Variants in ZNF682 observed in about 807,000 individuals in gnomAD.
The protein encoded by ZNF682 is zinc finger protein 682.
Under a neutral mutation model 36.5 loss-of-function variants are expected in ZNF682, and 29 were observed. That is an observed-to-expected ratio of 0.80 (90% confidence interval 0.59 to 1.08). ZNF682 has a LOEUF of 1.08. Among genes scored for constraint, ZNF682 ranks in the 50% least tolerant of loss-of-function variants. ZNF682 has a pLI of 0.00. For synonymous variants in ZNF682, 180 were observed against 197.0 expected (o/e 0.91, Z 0.72); for missense variants, 561 against 579.7 (o/e 0.97, Z 0.33).
intron 2 of ZNF682, among the ~76,000 whole-genome samples, chr19:20,023,577 C>T (rs2088406282): frequency 2.6e-5 from 4 of 152,000 alleles, no homozygotes; most frequent in South Asian, 4.2e-4. Context: ...ATTTGTGGGT[C>T]TTTAGCTTCC....
At chr19:20,036,059 T>A (rs2088526357) in intron 1 of ZNF682, among the ~76,000 whole-genome samples, 1 of 152,156 alleles carries the variant, frequency 6.6e-6, no homozygotes, top group Admixed American at 6.6e-5. Context: ...TTAATTTAAA[T>A]GGATGCAGTT....
At chr19:20,009,140 G>A (rs919229487) in intron 3 of ZNF682, among the ~76,000 whole-genome samples, 1 of 152,162 alleles carries the variant, frequency 6.6e-6, no homozygotes, top group African/African-American at 2.4e-5. Flanking sequence ...AGAGTGTTTC[G>A]TTACCTCAAA....
rs1196478015 is a variant in ZNF682 at position 20,024,312 on chromosome 19, G to C, written c.68C>G (p.Pro23Arg). Residue 23 changes from proline (P) to arginine (R), a missense_variant, in exon 2 of 4, where the codon CCT (proline) becomes CGT (arginine). Pro to Arg is a moderately radical substitution (Grantham distance 103). Coordinates refer to ENST00000397165, the MANE Select transcript of ZNF682 (RefSeq NM_033196.3). ...FSLEEWEFLN[P>R]AQQSLYRKVM... ...TTTCCTATACAAACTCTGCTGAGCA[G>C]GGTTCAGAAACTCCCACTCCTCCAG... 7.4e-6 allele frequency: 12 copies of C among 1,613,916 alleles called. No individual in the cohort carries two copies. The highest frequency in any genetic ancestry group is 9.3e-6 in the Non-Finnish European group (11 of 1,179,956).
At chr19:20,035,608 A>G (rs1455372906) in intron 1 of ZNF682, among the ~76,000 whole-genome samples, 1 of 152,226 alleles carries the variant, frequency 6.6e-6, no homozygotes, top group Non-Finnish European at 1.5e-5. Context: ...TTAGAAAATT[A>G]TCTGTAATAT....
intron 1 of ZNF682, among the ~76,000 whole-genome samples, chr19:20,025,676 C>CA (rs1425276116): frequency 1.9e-5 from 2 of 104,598 alleles, no homozygotes; most frequent in African/African-American, 7.4e-5. Context: ...GACTCCATCT[C>CA]AAAAAAAAAG....
chr19:20,005,924 T>C lies in ZNF682; in HGVS notation c.*81A>G. 1 of 1,326,772 alleles carries C rather than the reference T, an allele frequency of 7.5e-7. No individual in the cohort carries two copies. The highest frequency in any genetic ancestry group is 1.0e-6 in the Non-Finnish European group (1 of 964,332). The allele number at this position is 1,326,772 out of a possible 1,614,324, so 82.2% of individuals were successfully genotyped here. ...TGTTTCTCTCCAGTATGAATTATCTTGTGATTTCAATGCCTTGAGCAAGAT... is the reference window on the plus strand; with the variant it reads ...TGTTTCTCTCCAGTATGAATTATCTCGTGATTTCAATGCCTTGAGCAAGAT... On this transcript the variant is annotated 3_prime_UTR_variant, in exon 4 of 4. Coordinates refer to ENST00000397165, the MANE Select transcript of ZNF682 (RefSeq NM_033196.3).
At chr19:20,034,504 C>T (rs1453278796) in intron 1 of ZNF682, among the ~76,000 whole-genome samples, 7 of 152,108 alleles carry the variant, frequency 4.6e-5, no homozygotes, top group Admixed American at 1.3e-4. Flanking sequence ...TAGGGCCAGG[C>T]GCGGTGACTC....
chr19:20,008,530 G>A (rs952457097), intron 3 of ZNF682, among the ~76,000 whole-genome samples: 7 of 152,068 alleles, frequency 4.6e-5, no homozygotes, highest in Non-Finnish European at 8.8e-5. Context: ...TTCCATCCTC[G>A]AGCCATGGCA....
At chr19:20,039,228 C>A in intron 1 of ZNF682, 115 bp downstream of exon 1, 2 of 1,516,486 alleles carry the variant, frequency 1.3e-6, no homozygotes, top group Non-Finnish European at 1.8e-6. Flanking sequence ...CCGGGGACTC[C>A]AGTCCGCAGA....
intron 3 of ZNF682, among the ~76,000 whole-genome samples, chr19:20,021,477 C>T (rs918691967): frequency 2.2e-4 from 14 of 63,488 alleles, no homozygotes; most frequent in African/African-American, 8.1e-4. Flanking sequence ...GAGTGAGACT[C>T]GTCTCAAAAA....
downstream of ZNF682, among the ~76,000 whole-genome samples, chr19:19,999,802 G>A (rs2088153274): frequency 6.6e-6 from 1 of 152,106 alleles, no homozygotes; most frequent in Admixed American, 6.5e-5. Flanking sequence ...CCCAATTGCT[G>A]GGGTTACAGG....
intron 1 of ZNF682, among the ~76,000 whole-genome samples, chr19:20,032,140 C>T (rs1278749184): frequency 6.6e-6 from 1 of 152,144 alleles, no homozygotes; most frequent in Admixed American, 6.5e-5. Context: ...ACTTGCATCC[C>T]TCAGATAAAA....
chr19:20,007,322 C>T, intron 3 of ZNF682, 47 bp from the exon 4 acceptor site: 5 of 1,480,872 alleles, frequency 3.4e-6, no homozygotes, highest in Non-Finnish European at 4.5e-6. Flanking sequence ...TTTTCAGACT[C>T]AGATACATAT....
At chr19:20,038,828 T>C (rs964068856) in intron 1 of ZNF682, among the ~76,000 whole-genome samples, 2 of 152,198 alleles carry the variant, frequency 1.3e-5, no homozygotes, top group African/African-American at 4.8e-5. Context: ...CTGCACTTTA[T>C]AAAAAACTTT....
chr19:20,027,318 T>G (rs1599614563), intron 1 of ZNF682, among the ~76,000 whole-genome samples: 1 of 152,334 alleles, frequency 6.6e-6, no homozygotes, highest in East Asian at 1.9e-4. Flanking sequence ...ACCTAAAGAC[T>G]AAAATGTGAG....
Position 20,005,835 on chromosome 19 carries a change from T to A in ZNF682, c.*170A>T, listed in dbSNP as rs2088209821. The A allele has an allele frequency of 1.5e-6, 1 of 656,730 alleles. No individual in the cohort carries two copies. Among genetic ancestry groups the A allele is most frequent in the East Asian group, 2.8e-5 (1 of 35,538 alleles). The allele number at this position is 656,730 out of a possible 1,614,324, so 40.7% of individuals were successfully genotyped here. On this transcript the variant is annotated 3_prime_UTR_variant, in exon 4 of 4. Coordinates refer to ENST00000397165, the MANE Select transcript of ZNF682 (RefSeq NM_033196.3). ...ATCAGAATTTTTCTCAGCATGAATT[T>A]TCTTCTGTGCAATAAGCTGTCAGCA...
At chr19:20,025,215 T>G (rs1428995271) in intron 1 of ZNF682, among the ~76,000 whole-genome samples, 3 of 152,210 alleles carry the variant, frequency 2.0e-5, no homozygotes, top group Admixed American at 2.0e-4. Flanking sequence ...AAGCAAGCTT[T>G]AAGCAAAGAG....
At chr19:20,032,365 G>A (rs1424746182) in intron 1 of ZNF682, among the ~76,000 whole-genome samples, 4 of 152,200 alleles carry the variant, frequency 2.6e-5, no homozygotes, top group African/African-American at 9.7e-5. Context: ...ATTTGAAGAT[G>A]CCAGGGACAT....
chr19:19,999,272 T>G (rs949729010), intron 3 of ZNF682, among the ~76,000 whole-genome samples: 1 of 152,216 alleles, frequency 6.6e-6, no homozygotes, highest in Non-Finnish European at 1.5e-5. Context: ...TGATACCCTA[T>G]CATTCTGTAC....
Sources: gnomAD v4.1 joint callset for allele counts (sites outside exome capture counted in the v4.1 genomes callset) on GRCh38, gnomAD v4.1.1 for gene constraint, MANE v1.5 for transcripts, NCBI Gene and HGNC (gene_info 2026-07-23, HGNC 2026-07-21) for gene names.